C7orf33: variants seen among roughly 807,000 people sequenced by gnomAD.
C7orf33 encodes the protein chromosome 7 open reading frame 33.
A neutral mutation model predicts 13.4 loss-of-function variants in C7orf33; 15 were observed. The ratio of observed to expected loss-of-function variants is 1.12; its 90% CI spans 0.75 to 1.72. The LOEUF is 1.72. Ranked by LOEUF, C7orf33 falls within the 40% of genes most tolerant of loss-of-function variation. The pLI is 0.00. For missense variants in C7orf33, 187 were observed against 220.3 expected (o/e 0.85, Z 0.96); for synonymous variants, 73 against 83.2 (o/e 0.88, Z 0.67).
At chr7:148,600,225 T>G (rs966168721) in intron 1 of C7orf33, among the ~76,000 whole-genome samples, 1 of 152,064 alleles carries the variant, frequency 6.6e-6, no homozygotes, top group African/African-American at 2.4e-5. Context: ...TCCCAGCAAT[T>G]TGGGAAGCCA....
At chr7:148,597,091 T>A (rs1298008255) in intron 1 of C7orf33, among the ~76,000 whole-genome samples, 1 of 152,052 alleles carries the variant, frequency 6.6e-6, no homozygotes, top group African/African-American at 2.4e-5. Flanking sequence ...GCTTCCAAGT[T>A]TGAGCCAATT....
chr7:148,608,676 G>A (rs368407619), intron 1 of C7orf33, among the ~76,000 whole-genome samples: 9 of 151,612 alleles, frequency 5.9e-5, no homozygotes, highest in African/African-American at 1.2e-4. Flanking sequence ...TAAGCCAGGC[G>A]TGGTGGCGCA....
intron 1 of C7orf33, among the ~76,000 whole-genome samples, chr7:148,594,171 C>CTTTTTTT (rs940143798): frequency 7.7e-6 from 1 of 129,302 alleles, no homozygotes; most frequent in African/African-American, 2.9e-5. Flanking sequence ...AACCTCTTTT[C>CTTTTTTT]TTTTTTTTTT....
At chr7:148,592,872 C>T (rs1031023475) in intron 1 of C7orf33, among the ~76,000 whole-genome samples, 2 of 151,970 alleles carry the variant, frequency 1.3e-5, no homozygotes, top group Non-Finnish European at 2.9e-5. Flanking sequence ...TGGAGTTTCA[C>T]TCTTGTCACC....
rs1487409411 is a variant in C7orf33 at position 148,597,805 on chromosome 7, G to C, written c.204+6676G>C. Among the ~76,000 whole-genome samples, 4 of 152,202 alleles carry C rather than the reference G, an allele frequency of 2.6e-5. 1 individual carries two copies. The highest frequency in any genetic ancestry group is 6.8e-3 in the Middle Eastern group (2 of 294). On this transcript the variant is annotated intron_variant, in intron 1 of 2. Coordinates refer to ENST00000307003, the MANE Select transcript of C7orf33 (RefSeq NM_145304.4). ...GAATCTCGCACTGTCGCCCAGGCTG[G>C]AGTGCAGTGGCGTGATCTCAGCTTA...
In C7orf33 at chr7:148,611,865, A is replaced by C. The variant is rs550634503; in HGVS notation, c.205-2177A>C. On this transcript the variant is annotated intron_variant, in intron 1 of 2. Transcript: ENST00000307003. ...ATTCATCCCGGCATCTGCACCTGCC[A>C]GTCTGCATGCTCCCCCTAGGGGTTT... 6.6e-5 allele frequency among the ~76,000 whole-genome samples: 10 copies of C among 152,364 alleles called. No individual in the cohort carries two copies. In the East Asian group the frequency reaches 1.7e-3, roughly 26 times the overall value.
At position 148,614,115 on chromosome 7, in the gene C7orf33, G is replaced by C. The variant is rs779553473; in HGVS notation, c.278G>C (p.Gly93Ala). 5 of 1,614,028 alleles carry C rather than the reference G, an allele frequency of 3.1e-6. No individual in the cohort carries two copies. The highest frequency in any genetic ancestry group is 2.5e-6 in the Non-Finnish European group (3 of 1,180,040). Reference protein sequence around the residue: ...IAPVSAPTKSGAPWHFLSQGP... With the variant: ...IAPVSAPTKSAAPWHFLSQGP... ...CCTGTATCAGCTCCCACCAAATCTG[G>C]TGCCCCGTGGCATTTTCTTTCTCAA... is the stretch of plus-strand genomic sequence containing the variant. The change falls in exon 2 of 3, where the codon GGT (glycine) becomes GCT (alanine). Residue 93 changes from glycine (G) to alanine (A), a missense_variant. By Grantham distance (60) the Gly-to-Ala change is moderately conservative. Coordinates refer to ENST00000307003, the MANE Select transcript of C7orf33 (RefSeq NM_145304.4).
Position 148,590,900 on chromosome 7 carries a change from C to T in C7orf33, c.-26C>T, listed in dbSNP as rs771535280. Reference sequence around the variant, plus strand: ...AAGCGCCGCTCTCCTTGACAGCATCCAGGAAAGGTAATTACCTTTGCCAAA... The same window carrying T: ...AAGCGCCGCTCTCCTTGACAGCATCTAGGAAAGGTAATTACCTTTGCCAAA... On this transcript the variant is annotated 5_prime_UTR_variant, in exon 1 of 3. Transcript: ENST00000307003. The T allele has an allele frequency of 1.4e-5, 22 of 1,599,610 alleles. No individual in the cohort carries two copies. The highest frequency in any genetic ancestry group is 1.9e-5 in the Non-Finnish European group (22 of 1,166,946).
intron 1 of C7orf33, among the ~76,000 whole-genome samples, chr7:148,595,671 GATATAATATAGATCTATATTATATA>G (rs2116888799): frequency 1.0e-5 from 1 of 96,672 alleles, no homozygotes; most frequent in African/African-American, 4.7e-5. Context: ...ATATTATATA[GATATAATATAGATCTATATTATATA>G]GATATACATA....
intron 1 of C7orf33, among the ~76,000 whole-genome samples, chr7:148,611,931 G>T (rs1391385132): frequency 1.3e-5 from 2 of 152,236 alleles, no homozygotes; most frequent in East Asian, 3.8e-4. Flanking sequence ...CACCTGTGTT[G>T]CATGTGCTGC....
chr7:148,612,915 A>G (rs774289405), intron 1 of C7orf33, among the ~76,000 whole-genome samples: 2 of 152,012 alleles, frequency 1.3e-5, no homozygotes, highest in African/African-American at 2.4e-5. Context: ...ATTTCCATAC[A>G]TGTATACAAT....
rs1796594391 is a variant in C7orf33 at position 148,615,624 on chromosome 7, C to T, written c.*223C>T. The stretch of plus-strand genomic sequence containing the variant: ...TGCAGGAATCTGTGTGGCATTTGTG[C>T]ACTGGTGTGGGGCCCAGGAGAGGAC... On this transcript the variant is annotated 3_prime_UTR_variant, in exon 3 of 3. Coordinates refer to ENST00000307003, the MANE Select transcript of C7orf33 (RefSeq NM_145304.4). 1 of 457,964 alleles carries T rather than the reference C, an allele frequency of 2.2e-6. No homozygotes were observed. The highest frequency in any genetic ancestry group is 4.0e-6 in the Non-Finnish European group (1 of 248,556). The allele number at this position is 457,964 out of a possible 1,614,324, so 28.4% of individuals were successfully genotyped here. A position where few individuals can be genotyped will look rare whatever the true frequency, so the allele number is the denominator to read the frequency against.
At chr7:148,594,300 C>T (rs1796303804) in intron 1 of C7orf33, among the ~76,000 whole-genome samples, 1 of 151,546 alleles carries the variant, frequency 6.6e-6, no homozygotes, top group South Asian at 2.1e-4. Flanking sequence ...CTCAGCCTCT[C>T]GAGTAGCTGG....
At chr7:148,608,045 T>TA (rs972822504) in intron 1 of C7orf33, among the ~76,000 whole-genome samples, 15 of 152,078 alleles carry the variant, frequency 9.9e-5, no homozygotes, top group African/African-American at 1.9e-4. Context: ...CATTCCTGCT[T>TA]AAAAAAATAG....
intron 1 of C7orf33, among the ~76,000 whole-genome samples, chr7:148,609,105 A>G (rs1796508884): frequency 4.9e-5 from 1 of 20,470 alleles, no homozygotes; most frequent in East Asian, 2.2e-3. Flanking sequence ...GTTATTTTGA[A>G]AAAAAAAAAA....
chr7:148,614,692 G>A (rs1042345688), intron 2 of C7orf33, among the ~76,000 whole-genome samples: 6 of 152,112 alleles, frequency 3.9e-5, no homozygotes, highest in Admixed American at 1.3e-4. Flanking sequence ...CTATGGCTTC[G>A]GTCCTACGTG....
At chr7:148,591,184 T>G in intron 1 of C7orf33, 55 bp downstream of exon 1, 36 of 1,399,854 alleles carry the variant, frequency 2.6e-5, no homozygotes, top group Non-Finnish European at 3.3e-5. Flanking sequence ...TCAGTATCTC[T>G]TGAGAATTCA....
chr7:148,603,209 A>G (rs957432353), intron 1 of C7orf33, among the ~76,000 whole-genome samples: 1 of 152,086 alleles, frequency 6.6e-6, no homozygotes, highest in Non-Finnish European at 1.5e-5. Context: ...AAAACATCAC[A>G]CCCAGAATGA....
intron 1 of C7orf33, among the ~76,000 whole-genome samples, chr7:148,611,866 G>A (rs1019209811): frequency 6.6e-6 from 1 of 152,230 alleles, no homozygotes; most frequent in African/African-American, 2.4e-5. Context: ...GCACCTGCCA[G>A]TCTGCATGCT....
Sources: gnomAD v4.1 joint callset for allele counts (sites outside exome capture counted in the v4.1 genomes callset) on GRCh38, gnomAD v4.1.1 for gene constraint, MANE v1.5 for transcripts, NCBI Gene and HGNC (gene_info 2026-07-23, HGNC 2026-07-21) for gene names.